The following PLEKHA6 variants were observed in gnomAD, a reference collection of about 807,000 sequenced individuals.
PLEKHA6 encodes the protein pleckstrin homology domain containing A6, also known as pleckstrin homology domain-containing family A member 6.
A neutral mutation model predicts 116.7 loss-of-function variants in PLEKHA6; 60 were observed. The observed-to-expected ratio is 0.51, with a 90% CI of 0.42 to 0.64. The LOEUF is 0.64. Ranked by LOEUF, PLEKHA6 falls within the 30% of genes least tolerant of loss-of-function variation. PLEKHA6 has a pLI of 0.00. For synonymous variants in PLEKHA6, 489 were observed against 556.1 expected, an observed-to-expected ratio of 0.88 and a Z score of 1.70; for missense variants, 1,338 against 1,422.7, an observed-to-expected ratio of 0.94 and a Z score of 0.96.
chr1:204,229,659 C>T (rs770715104), intron 18 of PLEKHA6, among the ~76,000 whole-genome samples: 3 of 152,184 alleles, frequency 2.0e-5, no homozygotes, highest in Non-Finnish European at 4.4e-5. Flanking sequence ...AAACAATCTT[C>T]CCACCTTGGC....
At chr1:204,270,500 C>G (rs1191774345) in intron 3 of PLEKHA6, among the ~76,000 whole-genome samples, 1 of 152,164 alleles carries the variant, frequency 6.6e-6, no homozygotes, top group East Asian at 1.9e-4. Context: ...GTACCATGAG[C>G]CACCTAGCCA....
intron 1 of PLEKHA6, among the ~76,000 whole-genome samples, chr1:204,307,042 T>C (rs947865675): frequency 1.3e-5 from 2 of 152,206 alleles, no homozygotes; most frequent in Non-Finnish European, 2.9e-5. Context: ...GATGAACATT[T>C]ATGCAATATT....
chr1:204,319,999 A>C (rs1287054954), intron 1 of PLEKHA6, among the ~76,000 whole-genome samples: 1 of 152,302 alleles, frequency 6.6e-6, no homozygotes, highest in Non-Finnish European at 1.5e-5. Context: ...AGGCTGCCCT[A>C]CTAGAGTCCA....
chr1:204,273,218 G>A (rs957210668), intron 3 of PLEKHA6, among the ~76,000 whole-genome samples: 2 of 152,162 alleles, frequency 1.3e-5, no homozygotes, highest in Admixed American at 1.3e-4. Context: ...TCTCAATGAG[G>A]TTGGGGAGAT....
intron 1 of PLEKHA6, among the ~76,000 whole-genome samples, chr1:204,316,309 T>C (rs1461381999): frequency 6.6e-6 from 1 of 152,186 alleles, no homozygotes; most frequent in African/African-American, 2.4e-5. Flanking sequence ...ACTTTCTCGA[T>C]ACAGGATGTG....
Position 204,257,355 on chromosome 1 carries a change from T to G in PLEKHA6, c.1522A>C (p.Lys508Gln), listed in dbSNP as rs773978440. The G allele has an allele frequency of 3.2e-6, 5 of 1,560,690 alleles. No individual in the cohort carries two copies. Among genetic ancestry groups the G allele is most frequent in the Non-Finnish European group, 4.3e-6 (5 of 1,151,882 alleles). Reference protein sequence around the residue: ...YVMRRSISSPKVPPYPEVFRD... With the variant: ...YVMRRSISSPQVPPYPEVFRD... ...GGAAGGGCAGGCTGGTGGCTCACCT[T>G]GGGGGAGCTGATGGATCGCCTCATC... The change falls in exon 9 of 23, where the codon AAG (lysine) becomes CAG (glutamine). Residue 508 changes from lysine to glutamine, a missense_variant and splice_region_variant. Lys to Gln is a moderately conservative substitution (Grantham distance 53). Transcript: ENST00000272203. The surrounding 1 kb of genome is among the most constrained non-coding windows in gnomAD (Gnocchi z 6.5).
intron 9 of PLEKHA6, chr1:204,251,627 G>C (rs1291484233): frequency 1.4e-6 from 1 of 702,476 alleles, no homozygotes; most frequent in South Asian, 1.5e-5. Flanking sequence ...GCAGAGGAAG[G>C]AACGGACTAT....
chr1:204,341,373 C>CT (rs1487538491), intron 1 of PLEKHA6, among the ~76,000 whole-genome samples: 1 of 152,194 alleles, frequency 6.6e-6, no homozygotes, highest in Non-Finnish European at 1.5e-5. Context: ...ACATGCATTT[C>CT]TTTAAAGCAC....
At chr1:204,272,194 G>A (rs1318806520) in intron 3 of PLEKHA6, among the ~76,000 whole-genome samples, 2 of 152,126 alleles carry the variant, frequency 1.3e-5, no homozygotes, top group Admixed American at 6.5e-5. Flanking sequence ...TCATGTGAGA[G>A]TCTCTTTAAT....
At chr1:204,359,534 G>T in intron 1 of PLEKHA6, 160 bp downstream of exon 1, 1 of 841,372 alleles carries the variant, frequency 1.2e-6, no homozygotes, top group Non-Finnish European at 1.4e-6. Context: ...CAGCATCCAT[G>T]ATCCCCAAGT....
chr1:204,241,310 T>C (rs1207198142), intron 17 of PLEKHA6, 65 bp downstream of exon 17: 39 of 966,486 alleles, frequency 4.0e-5, no homozygotes, highest in Non-Finnish European at 6.0e-5. Flanking sequence ...GATGAGTAGG[T>C]ACACACACAG....
intron 1 of PLEKHA6, among the ~76,000 whole-genome samples, chr1:204,342,939 G>C (rs1412025587): frequency 6.6e-6 from 1 of 152,246 alleles, no homozygotes; most frequent in Non-Finnish European, 1.5e-5. Context: ...TAGAACGCCA[G>C]ATCGCAGAAC....
chr1:204,307,450 T>C (rs1671425163), intron 1 of PLEKHA6: 1 of 152,212 alleles, frequency 6.6e-6, no homozygotes, highest in Non-Finnish European at 1.5e-5. Flanking sequence ...GCACTGCCCA[T>C]GAGAAGGAAG....
chr1:204,350,619 C>T (rs556568610), intron 1 of PLEKHA6, among the ~76,000 whole-genome samples: 9 of 152,288 alleles, frequency 5.9e-5, no homozygotes, highest in Non-Finnish European at 1.2e-4. Context: ...TGCTCCCAAA[C>T]GTGTGCTCTG....
Position 204,245,081 on chromosome 1 carries a change from G to A in PLEKHA6, c.2033-78C>T, listed in dbSNP as rs547506878. On this transcript the variant is annotated intron_variant, in intron 14 of 22. Coordinates refer to ENST00000272203, the MANE Select transcript of PLEKHA6 (RefSeq NM_014935.5). Reference sequence around the variant, plus strand: ...GGGTAGATGGGCACTGTGAGTGGAGGTGGCAGGGAGAAGCCAGATCCAGGG... The same window carrying A: ...GGGTAGATGGGCACTGTGAGTGGAGATGGCAGGGAGAAGCCAGATCCAGGG... 6.7e-5 allele frequency: 68 copies of A among 1,017,748 alleles called. No homozygotes were observed. The Admixed American group carries it at 2.3e-3, about 34-fold the overall frequency. The allele number at this position is 1,017,748 out of a possible 1,614,324, so 63.0% of individuals were successfully genotyped here. A position where few individuals can be genotyped will look rare whatever the true frequency, so the allele number is the denominator to read the frequency against.
intron 1 of PLEKHA6, among the ~76,000 whole-genome samples, chr1:204,316,439 A>G (rs1178313774): frequency 7.9e-5 from 12 of 152,160 alleles, no homozygotes; most frequent in Admixed American, 7.2e-4. Flanking sequence ...AAATGCTTTC[A>G]ATGGGTGAGT....
In PLEKHA6 at chr1:204,359,732, ACT is replaced by A; in HGVS notation, c.-135_-134del. On this transcript the variant is annotated 5_prime_UTR_variant, in exon 1 of 23. Coordinates refer to ENST00000272203, the MANE Select transcript of PLEKHA6 (RefSeq NM_014935.5). ...GTGATCCCCGCGCTGGAAAGCTCTA[ACT>A]CTGCGAGCCCCAAGGCACCCCTCCC... is the stretch of plus-strand genomic sequence containing the variant. 1.0e-6 allele frequency: 1 copy of A among 975,404 alleles called. No individual in the cohort carries two copies. Among genetic ancestry groups the A allele is most frequent in the Non-Finnish European group, 1.2e-6 (1 of 820,916 alleles). The allele number at this position is 975,404 out of a possible 1,614,324, so 60.4% of individuals were successfully genotyped here.
intron 1 of PLEKHA6, among the ~76,000 whole-genome samples, chr1:204,313,365 C>T (rs1671736175): frequency 6.6e-6 from 1 of 152,096 alleles, no homozygotes; most frequent in South Asian, 2.1e-4. Flanking sequence ...TTACAGGGTG[C>T]TGGAAAAACA....
chr1:204,239,333 A>C (rs1253075976), intron 17 of PLEKHA6, among the ~76,000 whole-genome samples: 1 of 152,190 alleles, frequency 6.6e-6, no homozygotes, highest in Non-Finnish European at 1.5e-5. Context: ...AGCAGAAACC[A>C]ACATTGAGCC....
Sources: allele counts gnomAD v4.1 joint callset (sites outside exome capture counted in the v4.1 genomes callset), GRCh38; gene constraint gnomAD v4.1.1; non-coding constraint Gnocchi (gnomAD v3.1); transcripts MANE v1.5; gene names NCBI Gene and HGNC (gene_info 2026-07-23, HGNC 2026-07-21).